The following CTRL variants were observed in gnomAD, a reference collection of about 807,000 sequenced individuals.
CTRL encodes the protein chymotrypsin-like protease CTRL-1.
A neutral mutation model predicts 35.5 loss-of-function variants in CTRL; 38 were observed. That is an observed-to-expected ratio of 1.07 (90% CI 0.83 to 1.40). The LOEUF is 1.40. CTRL is among the 40% of genes most tolerant of loss of function. CTRL has a pLI of 0.00. For synonymous variants in CTRL, 155 were observed against 141.1 expected (o/e 1.10, Z -0.70); for missense variants, 327 against 342.9 (o/e 0.95, Z 0.37).
At chr16:67,931,693 A>G (rs916497789) in intron 1 of CTRL, 108 bp downstream of exon 1, 6 of 1,316,450 alleles carry the variant, frequency 4.6e-6, no homozygotes, top group Non-Finnish European at 4.3e-6. Context: ...TCTTTTGCCC[A>G]CTCTGTCCAC....
In CTRL at chr16:67,930,703, G is replaced by A. The variant is rs373099995; in HGVS notation, c.318+23C>T. On this transcript the variant is annotated intron_variant, in intron 4 of 6. Transcript: ENST00000574481. The surrounding 1 kb of genome is among the most constrained non-coding windows in gnomAD (Gnocchi z 4.3). ...CACCTGCACTGCCCACTTTTCCTCC[G>A]TGTCTGCAGCCCAGGCACTCACCCG... 4.0e-5 allele frequency: 65 copies of A among 1,612,756 alleles called. No individual in the cohort carries two copies. The highest frequency in any genetic ancestry group is 5.2e-5 in the Non-Finnish European group (61 of 1,178,936).
chr16:67,930,286 C>A lies in CTRL; in HGVS notation c.532G>T (p.Ala178Ser). Residue 178 changes from alanine to serine, a missense_variant, in exon 6 of 7, where the codon GCT (alanine) becomes TCT (serine). Physicochemically the swap from Ala to Ser is moderately conservative, Grantham distance 99. Coordinates refer to ENST00000574481, the MANE Select transcript of CTRL (RefSeq NM_001907.3). The surrounding 1 kb of genome is among the most constrained non-coding windows in gnomAD (Gnocchi z 4.3). ...NVTPAHLQQVALPLVTVNQCR... is the reference protein window; with the variant it reads ...NVTPAHLQQVSLPLVTVNQCR... ...TGATTCACAGTGACCAGGGGCAAAGCCACCTGCTGCAGATGTGCTGGTGTC... is the reference window on the plus strand; with the variant it reads ...TGATTCACAGTGACCAGGGGCAAAGACACCTGCTGCAGATGTGCTGGTGTC... The A allele has an allele frequency of 6.2e-7, 1 of 1,614,058 alleles. No homozygotes were observed. Among genetic ancestry groups the A allele is most frequent in the Middle Eastern group, 1.6e-4 (1 of 6,062 alleles).
At chr16:67,931,549 C>G (rs1265916586) in intron 1 of CTRL, 1 of 591,464 alleles carries the variant, frequency 1.7e-6, no homozygotes, top group African/African-American at 1.9e-5. Context: ...GTCTTCCTGT[C>G]TCAGCTTCCT....
At position 67,929,629 on chromosome 16, in the gene CTRL, A is replaced by C. The variant is rs981914525; in HGVS notation, c.*305T>G. 4.7e-6 allele frequency: 2 copies of C among 422,466 alleles called. No individual in the cohort carries two copies. Among genetic ancestry groups the C allele is most frequent in the Non-Finnish European group, 8.7e-6 (2 of 229,358 alleles). The allele number at this position is 422,466 out of a possible 1,614,324, so 26.2% of individuals were successfully genotyped here. A position where few individuals can be genotyped will look rare whatever the true frequency, so the allele number is the denominator to read the frequency against. On this transcript the variant is annotated 3_prime_UTR_variant, in exon 7 of 7. Transcript: ENST00000574481. ...TTCAGTTTGTAAACGTATCCTCTGT[A>C]TTCAGTAAACAGGCTGCCTCTCCAG...
At position 67,930,765 on chromosome 16, in the gene CTRL, T is replaced by C; in HGVS notation, c.279A>G (p.Ser93=). The C allele has an allele frequency of 6.2e-7, 1 of 1,613,964 alleles. No homozygotes were observed. The highest frequency in any genetic ancestry group is 8.5e-7 in the Non-Finnish European group (1 of 1,180,002). Residue 93 remains serine (S), a synonymous_variant, in exon 4 of 7, where the codon TCA becomes TCG. Coordinates refer to ENST00000574481, the MANE Select transcript of CTRL (RefSeq NM_001907.3). This position sits in a 1 kb window ranked among gnomAD's most constrained non-coding sequence, Gnocchi z 4.3. ...GAACCTGCAAGGGCTCTGCGTTTGA[T>C]GATCGGTCATACTCGCCCAGGACAA... is the stretch of plus-strand genomic sequence containing the variant. ...HFVVLGEYDR[S]SNAEPLQVLS...
At position 67,929,944 on chromosome 16, in the gene CTRL, G is replaced by A; in HGVS notation, c.785C>T (p.Ala262Val). The change falls in exon 7 of 7, where the codon GCC becomes GTC. Residue 262 changes from alanine to valine, a missense_variant. Physicochemically the swap from Ala to Val is moderately conservative, Grantham distance 64 (BLOSUM62 0). Coordinates refer to ENST00000574481, the MANE Select transcript of CTRL (RefSeq NM_001907.3). Reference sequence around the variant, plus strand: ...GGGCCTGTGGTGAGCTCAGTTGTAGGCTATGACCTGGTTGATCCAGGTGCT... The same window carrying A: ...GGGCCTGTGGTGAGCTCAGTTGTAGACTATGACCTGGTTGATCCAGGTGCT... ...KFSTWINQVIAYN is the reference protein window; with the variant it reads ...KFSTWINQVIVYN 3 of 1,614,130 alleles carry A rather than the reference G, an allele frequency of 1.9e-6. No individual in the cohort carries two copies. Among genetic ancestry groups the A allele is most frequent in the Non-Finnish European group, 2.5e-6 (3 of 1,179,982 alleles).
At position 67,929,831 on chromosome 16, in the gene CTRL, A is replaced by T; in HGVS notation, c.*103T>A. 1.5e-6 allele frequency: 2 copies of T among 1,341,720 alleles called. No individual in the cohort carries two copies. Among genetic ancestry groups the T allele is most frequent in the Non-Finnish European group, 2.1e-6 (2 of 966,410 alleles). The allele number at this position is 1,341,720 out of a possible 1,614,324, so 83.1% of individuals were successfully genotyped here. ...AGTCCAAGTAGGGAGTCGGACCCTC[A>T]ACAGCCTCTTCTTTCTCCTGAGCCA... On this transcript the variant is annotated 3_prime_UTR_variant, in exon 7 of 7. Coordinates refer to ENST00000574481, the MANE Select transcript of CTRL (RefSeq NM_001907.3).
chr16:67,931,199 A>T lies in CTRL; in HGVS notation c.55T>A (p.Cys19Ser), dbSNP rs1248875642. 6.2e-7 allele frequency: 1 copy of T among 1,613,848 alleles called. No individual in the cohort carries two copies. Among genetic ancestry groups the T allele is most frequent in the African/African-American group, 1.3e-5 (1 of 74,928 alleles). ...SLVLLGSSWGCGIPAIKPALS... is the reference protein window; with the variant it reads ...SLVLLGSSWGSGIPAIKPALS... ...GCCGGTTTGATGGCAGGAATGCCGC[A>T]GCCTGGCCATTGGGCTAATGAGGAC... is the stretch of plus-strand genomic sequence containing the variant. The change falls in exon 2 of 7, where the codon TGC (cysteine) becomes AGC (serine). Residue 19 changes from cysteine to serine, a missense_variant and splice_region_variant. Transcript: ENST00000574481.
At position 67,930,889 on chromosome 16, in the gene CTRL, G is replaced by T. The variant is rs770087977; in HGVS notation, c.236+31C>A. ...CAGGGGAGGAGGCAGGAAGAGGCGAGGGGCGGGGCAGGTGGAATGCAGGCA... is the reference window on the plus strand; with the variant it reads ...CAGGGGAGGAGGCAGGAAGAGGCGATGGGCGGGGCAGGTGGAATGCAGGCA... On this transcript the variant is annotated intron_variant, in intron 3 of 6. Transcript: ENST00000574481. The surrounding 1 kb of genome is among the most constrained non-coding windows in gnomAD (Gnocchi z 4.3). The T allele has an allele frequency of 6.2e-7, 1 of 1,612,720 alleles. No individual in the cohort carries two copies. The highest frequency in any genetic ancestry group is 1.7e-5 in the Admixed American group (1 of 60,024).
Position 67,930,629 on chromosome 16 carries a change from G to A in CTRL, c.319-41C>T. 1 of 1,609,588 alleles carries A rather than the reference G, an allele frequency of 6.2e-7. No homozygotes were observed. Among genetic ancestry groups the A allele is most frequent in the Non-Finnish European group, 8.5e-7 (1 of 1,176,170 alleles). ...CAGTCCATGTTCTGATGGGTGCTGA[G>A]CAGGGTAGGCCAGGGCATGTCCTGA... On this transcript the variant is annotated intron_variant, in intron 4 of 6. Transcript: ENST00000574481. This position sits in a 1 kb window ranked among gnomAD's most constrained non-coding sequence, Gnocchi z 4.3.
intron 1 of CTRL, 24 bp downstream of exon 1, chr16:67,931,777 C>T: frequency 1.3e-6 from 2 of 1,556,612 alleles, no homozygotes; most frequent in South Asian, 2.4e-5. Context: ...AGGGCTGAAT[C>T]AGGGCTGGTC....
Position 67,930,010 on chromosome 16 carries a change from T to A in CTRL, c.719A>T (p.Asn240Ile). The A allele has an allele frequency of 6.2e-7, 1 of 1,614,124 alleles. No homozygotes were observed. The highest frequency in any genetic ancestry group is 1.3e-5 in the African/African-American group (1 of 75,016). Reference sequence around the variant, plus strand: ...AGTATACACAGCAGGTGCGCGCACATTGCAGTTTTTGGTGCCCCAGGAGAC... The same window carrying A: ...AGTATACACAGCAGGTGCGCGCACAATGCAGTTTTTGGTGCCCCAGGAGAC... ...GIVSWGTKNC[N>I]VRAPAVYTRV... The change falls in exon 7 of 7, where the codon AAT becomes ATT. Residue 240 changes from asparagine (N) to isoleucine (I), a missense_variant. Physicochemically the swap from Asn to Ile is moderately radical, Grantham distance 149 (BLOSUM62 -3). Transcript: ENST00000574481. The surrounding 1 kb of genome is among the most constrained non-coding windows in gnomAD (Gnocchi z 4.3).
chr16:67,931,572 G>C (rs2058241810), intron 1 of CTRL: 1 of 601,720 alleles, frequency 1.7e-6, no homozygotes, highest in African/African-American at 1.9e-5. Context: ...ACCCTCCCGG[G>C]CTCCAGGGCC....
In CTRL at chr16:67,930,115, G is replaced by T. The variant is rs1169653481; in HGVS notation, c.634-20C>A. Reference sequence around the variant, plus strand: ...GTCACCCTGAGAGGGAAGAGGGAGGGAGAATTGAGTAGGGGGGGTTGGGGA... The same window carrying T: ...GTCACCCTGAGAGGGAAGAGGGAGGTAGAATTGAGTAGGGGGGGTTGGGGA... On this transcript the variant is annotated intron_variant, in intron 6 of 6. Transcript: ENST00000574481. The surrounding 1 kb of genome is among the most constrained non-coding windows in gnomAD (Gnocchi z 4.3). The T allele has an allele frequency of 6.2e-7, 1 of 1,613,838 alleles. No homozygotes were observed. The highest frequency in any genetic ancestry group is 1.3e-5 in the African/African-American group (1 of 74,924).
intron 1 of CTRL, 150 bp downstream of exon 1, chr16:67,931,651 T>G: frequency 1.1e-6 from 1 of 908,588 alleles, no homozygotes; most frequent in Non-Finnish European, 1.7e-6. Context: ...TGCAGGCCTG[T>G]TCCCTGCTCC....
At position 67,929,857 on chromosome 16, in the gene CTRL, G is replaced by A. The variant is rs923166505; in HGVS notation, c.*77C>T. The A allele has an allele frequency of 6.2e-5, 93 of 1,505,802 alleles. 2 individuals are homozygous for A. The South Asian group carries it at 1.1e-3, about 17-fold the overall frequency. 93.3% of individuals were successfully genotyped at this position (1,505,802 alleles called of 1,614,324 possible). A position where few individuals can be genotyped will look rare whatever the true frequency, so the allele number is the denominator to read the frequency against. On this transcript the variant is annotated 3_prime_UTR_variant, in exon 7 of 7. Coordinates refer to ENST00000574481, the MANE Select transcript of CTRL (RefSeq NM_001907.3). ...ACAGCCTCTTCTTTCTCCTGAGCCA[G>A]GAAGACAGACATGAATGCATGATGG...
chr16:67,930,605 A>T lies in CTRL; in HGVS notation c.319-17T>A, dbSNP rs746854480. 6.2e-7 allele frequency: 1 copy of T among 1,612,406 alleles called. No homozygotes were observed. Among genetic ancestry groups the T allele is most frequent in the East Asian group, 2.2e-5 (1 of 44,802 alleles). ...TGTAATGGCCTGTGGGGTCAGAAAC[A>T]GTCCATGTTCTGATGGGTGCTGAGC... On this transcript the variant is annotated splice_polypyrimidine_tract_variant and intron_variant, in intron 4 of 6. Coordinates refer to ENST00000574481, the MANE Select transcript of CTRL (RefSeq NM_001907.3). This position sits in a 1 kb window ranked among gnomAD's most constrained non-coding sequence, Gnocchi z 4.3.
At chr16:67,931,285 C>T (rs2058240606) in intron 1 of CTRL, 84 bp from the exon 2 acceptor site, 1 of 1,384,446 alleles carries the variant, frequency 7.2e-7, no homozygotes, top group Non-Finnish European at 1.0e-6. Context: ...AGGCTGTGCA[C>T]CCCAGAGAGG....
Position 67,931,001 on chromosome 16 carries a change from T to C in CTRL, c.157-2A>G, listed in dbSNP as rs572163380. On this transcript the variant is annotated splice_acceptor_variant, in intron 2 of 6. Coordinates refer to ENST00000574481, the MANE Select transcript of CTRL (RefSeq NM_001907.3). LOFTEE classifies it high-confidence loss of function. Reference sequence around the variant, plus strand: ...GCAGAAGTGGAAGCCGCTGCTGTCCTGTGGTCAGGGCTCAGAGGTCAGAGT... The same window carrying C: ...GCAGAAGTGGAAGCCGCTGCTGTCCCGTGGTCAGGGCTCAGAGGTCAGAGT... 3.7e-6 allele frequency: 6 copies of C among 1,613,934 alleles called. No individual in the cohort carries two copies. The South Asian group carries it at 6.6e-5, about 18-fold the overall frequency.
Sources: allele counts gnomAD v4.1 joint callset, GRCh38; gene constraint gnomAD v4.1.1; non-coding constraint Gnocchi (gnomAD v3.1); transcripts MANE v1.5; gene names NCBI Gene and HGNC (gene_info 2026-07-23, HGNC 2026-07-21).